Variants in ARHGAP44 observed in about 807,000 individuals in gnomAD.
The protein encoded by ARHGAP44 is rho GTPase-activating protein 44.
Under a neutral mutation model 106.8 loss-of-function variants are expected in ARHGAP44, and 43 were observed. The observed-to-expected ratio is 0.40, with a 90% CI of 0.32 to 0.52. The LOEUF (loss-of-function observed/expected upper bound fraction) is 0.52, where lower values mean the gene tolerates loss of function less well. Among genes scored for constraint, ARHGAP44 ranks in the 20% least tolerant of loss-of-function variants. ARHGAP44 has a pLI of 0.48. For missense variants in ARHGAP44, 866 were observed against 1,050.5 expected (o/e 0.82, Z 2.43); for synonymous variants, 439 against 410.3 (o/e 1.07, Z -0.85).
At chr17:12,825,637 G>A (rs139529703) in intron 1 of ARHGAP44, among the ~76,000 whole-genome samples, 332 of 152,088 alleles carry the variant, frequency 2.2e-3, no homozygotes, top group African/African-American at 7.7e-3. Flanking sequence ...GATTTGATGA[G>A]GCCCACCCAC....
intron 4 of ARHGAP44, among the ~76,000 whole-genome samples, chr17:12,909,560 T>A (rs1462556728): frequency 6.6e-6 from 1 of 152,108 alleles, no homozygotes; most frequent in East Asian, 1.9e-4. Context: ...TTTTCAATGA[T>A]CTTTAGTCAA....
At position 12,789,715 on chromosome 17, in the gene ARHGAP44, G is replaced by C. The variant is rs1221683079; in HGVS notation, c.-124G>C. The C allele has an allele frequency of 8.2e-6, 7 of 850,316 alleles. No individual in the cohort carries two copies. Among genetic ancestry groups the C allele is most frequent in the Middle Eastern group, 3.9e-4 (1 of 2,578 alleles). 52.7% of individuals were successfully genotyped at this position (850,316 alleles called of 1,614,324 possible). A position where few individuals can be genotyped will look rare whatever the true frequency, so the allele number is the denominator to read the frequency against. ...CTGCGCGCGGGCCAGACGGCGCCCG[G>C]AGGCTCCGCAGTGCCGCCGCCGTCG... On this transcript the variant is annotated 5_prime_UTR_variant, in exon 1 of 21. Coordinates refer to ENST00000379672, the MANE Select transcript of ARHGAP44 (RefSeq NM_014859.6).
chr17:12,861,538 C>T (rs529451495), intron 1 of ARHGAP44, among the ~76,000 whole-genome samples: 6 of 152,036 alleles, frequency 3.9e-5, no homozygotes, highest in African/African-American at 1.4e-4. Flanking sequence ...CCCCTTCCGC[C>T]GTCTTCAAAG....
At chr17:12,869,397 A>G in intron 1 of ARHGAP44, among the ~76,000 whole-genome samples, 1 of 151,558 alleles carries the variant, frequency 6.6e-6, no homozygotes, top group East Asian at 1.9e-4. Flanking sequence ...CATGTGGTAT[A>G]CAAAATATTC....
At chr17:12,981,278 C>T (rs762005579) in intron 19 of ARHGAP44, among the ~76,000 whole-genome samples, 2 of 152,118 alleles carry the variant, frequency 1.3e-5, no homozygotes, top group African/African-American at 2.4e-5. Flanking sequence ...CCAGCGGAAA[C>T]GACATCGTGA....
At chr17:12,917,927 C>A (rs373914323) in intron 5 of ARHGAP44, among the ~76,000 whole-genome samples, 7 of 152,304 alleles carry the variant, frequency 4.6e-5, no homozygotes, top group African/African-American at 1.7e-4. Flanking sequence ...ACAACGAGCA[C>A]CTCCACATCC....
chr17:12,938,227 G>C (rs948514335), intron 7 of ARHGAP44, among the ~76,000 whole-genome samples: 1 of 152,140 alleles, frequency 6.6e-6, no homozygotes, highest in Non-Finnish European at 1.5e-5. Flanking sequence ...GTTGTTTCTA[G>C]ATGAGAAGAG....
At chr17:12,936,202 C>G (rs1567696583) in intron 7 of ARHGAP44, among the ~76,000 whole-genome samples, 1 of 152,182 alleles carries the variant, frequency 6.6e-6, no homozygotes, top group Admixed American at 6.5e-5. Context: ...ATTGGTGCAT[C>G]ATTGTCTTCC....
intron 1 of ARHGAP44, among the ~76,000 whole-genome samples, chr17:12,802,297 G>A (rs1438627155): frequency 2.6e-5 from 4 of 152,152 alleles, no homozygotes; most frequent in African/African-American, 9.7e-5. Context: ...GTTTTGGGAA[G>A]GGTGGGGATG....
At chr17:12,939,286 C>T (rs575708111) in intron 7 of ARHGAP44, among the ~76,000 whole-genome samples, 14 of 151,924 alleles carry the variant, frequency 9.2e-5, no homozygotes, top group South Asian at 4.2e-4. Flanking sequence ...ACAGTTGTGG[C>T]GCCCCTACTG....
chr17:12,963,995 T>A (rs765355446), intron 16 of ARHGAP44, among the ~76,000 whole-genome samples: 8 of 152,226 alleles, frequency 5.3e-5, no homozygotes, highest in Non-Finnish European at 1.2e-4. Context: ...AAAACTTTCC[T>A]ACTTTAGCCA....
At position 12,958,979 on chromosome 17, in the gene ARHGAP44, A is replaced by G. The variant is rs1276486364; in HGVS notation, c.1523+82A>G. 6 of 1,475,040 alleles carry G rather than the reference A, an allele frequency of 4.1e-6. No homozygotes were observed. The highest frequency in any genetic ancestry group is 5.5e-6 in the Non-Finnish European group (6 of 1,083,850). 91.4% of individuals were successfully genotyped at this position (1,475,040 alleles called of 1,614,324 possible). A position where few individuals can be genotyped will look rare whatever the true frequency, so the allele number is the denominator to read the frequency against. On this transcript the variant is annotated intron_variant, in intron 16 of 20. Transcript: ENST00000379672. The surrounding 1 kb of genome is among the most constrained non-coding windows in gnomAD (Gnocchi z 4.1). ...ATGGGTGACGCATAAGAAAAATACA[A>G]TTACGGGAAGGCTGCACTGACTCTC...
chr17:12,940,807 T>C (rs1476694800), intron 7 of ARHGAP44, among the ~76,000 whole-genome samples: 2 of 152,240 alleles, frequency 1.3e-5, no homozygotes, highest in African/African-American at 2.4e-5. Flanking sequence ...ACTTTGACTT[T>C]AACTGTGGTC....
intron 1 of ARHGAP44, among the ~76,000 whole-genome samples, chr17:12,857,855 A>G (rs1227903974): frequency 6.6e-6 from 1 of 151,914 alleles, no homozygotes; most frequent in African/African-American, 2.4e-5. Flanking sequence ...TTTAGTTAGC[A>G]GATATCACTA....
chr17:12,961,681 T>C (rs9303068), intron 16 of ARHGAP44, among the ~76,000 whole-genome samples: 66,603 of 151,742 alleles, frequency 0.44, 15,222 homozygotes, highest in East Asian at 0.74. Flanking sequence ...TTGTGGTGAG[T>C]CAAGATCACG....
At chr17:12,860,795 A>G (rs971529392) in intron 1 of ARHGAP44, among the ~76,000 whole-genome samples, 2 of 151,502 alleles carry the variant, frequency 1.3e-5, no homozygotes, top group African/African-American at 2.4e-5. Flanking sequence ...AGCCAAAATC[A>G]TTGATTCACG....
chr17:12,922,066 A>G (rs2038099038), intron 6 of ARHGAP44, among the ~76,000 whole-genome samples: 1 of 152,236 alleles, frequency 6.6e-6, no homozygotes. Flanking sequence ...CAAAATAAAT[A>G]TATTTTGAAA....
At chr17:12,895,200 A>T (rs2037167609) in intron 2 of ARHGAP44, among the ~76,000 whole-genome samples, 1 of 108,254 alleles carries the variant, frequency 9.2e-6, no homozygotes, top group African/African-American at 3.0e-5. Flanking sequence ...CCATCCCTCG[A>T]TGTGGTTAAA....
chr17:12,944,494 T>C (rs1231551067), intron 10 of ARHGAP44, among the ~76,000 whole-genome samples: 1 of 146,702 alleles, frequency 6.8e-6, no homozygotes, highest in Non-Finnish European at 1.5e-5. Flanking sequence ...GCTATTTTTT[T>C]TTTTTCTTTT....
Sources: gnomAD v4.1 joint callset for allele counts (sites outside exome capture counted in the v4.1 genomes callset) on GRCh38, gnomAD v4.1.1 for gene constraint, Gnocchi (gnomAD v3.1) non-coding constraint, MANE v1.5 for transcripts, NCBI Gene and HGNC (gene_info 2026-07-23, HGNC 2026-07-21) for gene names.